Variants in FLI1 observed in about 807,000 individuals in gnomAD.
FLI1 encodes the protein Fli-1 proto-oncogene, ETS transcription factor, also known as Friend leukemia integration 1 transcription factor.
FLI1 carries 13 observed loss-of-function variants against 53.1 expected under a neutral mutation model. That is an observed-to-expected ratio of 0.24 (90% confidence interval 0.16 to 0.39). The LOEUF (loss-of-function observed/expected upper bound fraction) is 0.39. Ranked by LOEUF, FLI1 falls within the 10% of genes least tolerant of loss-of-function variation. The probability of loss-of-function intolerance (pLI) is 1.00; values close to 1 mark genes in which losing one functional copy is unlikely to be tolerated. For synonymous variants in FLI1, 244 were observed against 236.7 expected, an observed-to-expected ratio of 1.03 and a Z score of -0.28; for missense variants, 424 against 600.5, an observed-to-expected ratio of 0.71 and a Z score of 3.07.
At chr11:128,775,868 G>A (rs1024344800) in intron 4 of FLI1, among the ~76,000 whole-genome samples, 7 of 152,164 alleles carry the variant, frequency 4.6e-5, no homozygotes, top group East Asian at 3.8e-4. Flanking sequence ...CCTTCACTCC[G>A]GTGGAGGAAG....
chr11:128,786,702 C>G (rs1942096565), intron 5 of FLI1, among the ~76,000 whole-genome samples: 1 of 152,186 alleles, frequency 6.6e-6, no homozygotes, highest in Admixed American at 6.5e-5. Flanking sequence ...GGAGGCCTTC[C>G]CAGCACACTC....
In FLI1 at chr11:128,790,069, C is replaced by CGTGT. The variant is rs765614434; in HGVS notation, c.655+8070_655+8073dup. Among the ~76,000 whole-genome samples, 626 of 143,406 alleles carry CGTGT rather than the reference C, an allele frequency of 4.4e-3. 2 individuals are homozygous for CGTGT. The highest frequency in any genetic ancestry group is 4.9e-3 in the Non-Finnish European group (328 of 66,650). 94.1% of individuals were successfully genotyped at this position (143,406 alleles called of 152,430 possible). On this transcript the variant is annotated intron_variant, in intron 5 of 8. Transcript: ENST00000527786. ...ATGTGTGTGTGTGTGTGCATGCATG[C>CGTGT]GTGTGTGTGTGTGTGTGTGTGTGTG...
chr11:128,711,199 A>G (rs923116418), intron 1 of FLI1, among the ~76,000 whole-genome samples: 1 of 152,250 alleles, frequency 6.6e-6, no homozygotes, highest in Non-Finnish European at 1.5e-5. Flanking sequence ...TTAATTAAAT[A>G]TGGTTAGAAG....
At chr11:128,780,800 C>T (rs1444322144) in intron 4 of FLI1, among the ~76,000 whole-genome samples, 8 of 152,186 alleles carry the variant, frequency 5.3e-5, no homozygotes, top group Non-Finnish European at 1.2e-4. Context: ...CACTCGGCCA[C>T]AGGGAGCGGG....
intron 4 of FLI1, among the ~76,000 whole-genome samples, chr11:128,774,656 T>C (rs867329185): frequency 1.3e-5 from 2 of 152,130 alleles, no homozygotes; most frequent in African/African-American, 4.8e-5. Context: ...GACAGCATGC[T>C]CTGAACTGTT....
chr11:128,686,317 A>G (rs1471512597), upstream of FLI1: 1 of 455,914 alleles, frequency 2.2e-6, no homozygotes, highest in African/African-American at 2.0e-5. Flanking sequence ...CCAGTTCGAA[A>G]CTGCCCAGGC....
At chr11:128,802,989 C>G (rs3758769) in intron 5 of FLI1, among the ~76,000 whole-genome samples, 3 of 152,162 alleles carry the variant, frequency 2.0e-5, no homozygotes, top group Non-Finnish European at 4.4e-5. Flanking sequence ...TGAGTGGTTA[C>G]CAGATAGCTT....
intron 1 of FLI1, among the ~76,000 whole-genome samples, chr11:128,739,371 T>C (rs1486456012): frequency 6.6e-6 from 1 of 151,850 alleles, no homozygotes; most frequent in Non-Finnish European, 1.5e-5. Flanking sequence ...AGAAAGTAGG[T>C]AGAGAGGGAA....
chr11:128,801,575 C>T (rs1942639509), intron 5 of FLI1, among the ~76,000 whole-genome samples: 1 of 152,236 alleles, frequency 6.6e-6, no homozygotes, highest in South Asian at 2.1e-4. Flanking sequence ...GTGGTCCACT[C>T]AGAGGGGACA....
upstream of FLI1, among the ~76,000 whole-genome samples, chr11:128,685,803 C>T (rs1257572189): frequency 6.6e-6 from 1 of 151,056 alleles, no homozygotes; most frequent in Non-Finnish European, 1.5e-5. Context: ...AAGCTGTGAG[C>T]CGCCACGTTA....
chr11:128,686,291 C>G (rs915451270), upstream of FLI1: 3 of 455,018 alleles, frequency 6.6e-6, no homozygotes, highest in African/African-American at 6.0e-5. Flanking sequence ...GTTTCCAGAA[C>G]AAGCTGCGGG....
rs1942952594 is a variant in FLI1, at chr11:128,812,121, T to A, written c.*1133T>A. On this transcript the variant is annotated 3_prime_UTR_variant, in exon 9 of 9. Transcript: ENST00000527786. ...TGAGAAAGCAAAGCACTGGTACAGTTATTTAACAGGCATACACAAGCAGGG... is the reference window on the plus strand; with the variant it reads ...TGAGAAAGCAAAGCACTGGTACAGTAATTTAACAGGCATACACAAGCAGGG... 4.7e-6 allele frequency: 1 copy of A among 211,212 alleles called. No individual in the cohort carries two copies. Among genetic ancestry groups the A allele is most frequent in the African/African-American group, 2.3e-5 (1 of 44,010 alleles). 13.1% of individuals were successfully genotyped at this position (211,212 alleles called of 1,614,324 possible).
intron 3 of FLI1, among the ~76,000 whole-genome samples, chr11:128,772,055 CACACACACACACACACACACACAT>C (rs1362678664): frequency 6.9e-6 from 1 of 145,746 alleles, no homozygotes; most frequent in Non-Finnish European, 1.6e-5. Flanking sequence ...CACACACACA[CACACACACACACACACACACACAT>C]ACACACACTG....
At chr11:128,726,630 G>A (rs1010834659) in intron 1 of FLI1, among the ~76,000 whole-genome samples, 3 of 151,532 alleles carry the variant, frequency 2.0e-5, no homozygotes, top group Non-Finnish European at 2.9e-5. Context: ...TAGTTGGGCG[G>A]TGCCCTCTTT....
At chr11:128,705,343 T>C (rs1378383561) in intron 1 of FLI1, among the ~76,000 whole-genome samples, 2 of 152,204 alleles carry the variant, frequency 1.3e-5, no homozygotes, top group Non-Finnish European at 2.9e-5. Context: ...AGGTTCTCTT[T>C]TTACATAATG....
At chr11:128,731,270 G>A (rs1939684635) in intron 1 of FLI1, among the ~76,000 whole-genome samples, 1 of 151,826 alleles carries the variant, frequency 6.6e-6, no homozygotes, top group African/African-American at 2.4e-5. Flanking sequence ...CCCCAGCACT[G>A]CTCAGGGGCA....
At chr11:128,753,637 A>G (rs1312115134) in intron 1 of FLI1, among the ~76,000 whole-genome samples, 2 of 152,252 alleles carry the variant, frequency 1.3e-5, no homozygotes, top group African/African-American at 4.8e-5. Context: ...AAAAAGTTTT[A>G]AGAGTTTAAG....
chr11:128,791,361 A>G (rs985766942), intron 5 of FLI1, among the ~76,000 whole-genome samples: 2 of 152,064 alleles, frequency 1.3e-5, no homozygotes, highest in African/African-American at 4.8e-5. Flanking sequence ...CCCCCAGTCC[A>G]TATTCTAGGA....
intron 5 of FLI1, among the ~76,000 whole-genome samples, chr11:128,787,921 C>T (rs1342727232): frequency 6.6e-6 from 1 of 151,542 alleles, no homozygotes; most frequent in Non-Finnish European, 1.5e-5. Flanking sequence ...ATTCTCCTGC[C>T]TCAGCCTCCT....
Sources: allele counts gnomAD v4.1 joint callset (sites outside exome capture counted in the v4.1 genomes callset), GRCh38; gene constraint gnomAD v4.1.1; transcripts MANE v1.5; gene names NCBI Gene and HGNC (gene_info 2026-07-23, HGNC 2026-07-21).